KCNK1: variants seen among roughly 807,000 people sequenced by gnomAD.
The protein encoded by KCNK1 is potassium two pore domain channel subfamily K member 1.
KCNK1 carries 10 observed loss-of-function variants against 22.2 expected under a neutral mutation model. That is an observed-to-expected ratio of 0.45 (90% CI 0.28 to 0.76). KCNK1 has a LOEUF of 0.76. Ranked by LOEUF, KCNK1 falls within the 30% of genes least tolerant of loss-of-function variation. The probability of loss-of-function intolerance (pLI) is 0.14; values close to 1 mark genes in which losing one functional copy is unlikely to be tolerated. For missense variants in KCNK1, 378 were observed against 421.0 expected (o/e 0.90, Z 0.89); for synonymous variants, 200 against 186.4 (o/e 1.07, Z -0.60).
chr1:233,625,297 C>A (rs1208213412), intron 1 of KCNK1, among the ~76,000 whole-genome samples: 4 of 152,190 alleles, frequency 2.6e-5, no homozygotes, highest in African/African-American at 9.7e-5. Context: ...GGGCAGCACC[C>A]TCTCTGGAAT....
chr1:233,656,035 A>G (rs1658290288), intron 1 of KCNK1, among the ~76,000 whole-genome samples: 1 of 152,214 alleles, frequency 6.6e-6, no homozygotes, highest in African/African-American at 2.4e-5. Context: ...TCCCTAGGAA[A>G]GGATGCTGAA....
intron 1 of KCNK1, among the ~76,000 whole-genome samples, chr1:233,661,203 C>G (rs1658387344): frequency 6.6e-6 from 1 of 152,162 alleles, no homozygotes; most frequent in South Asian, 2.1e-4. Flanking sequence ...GTTATTATTT[C>G]TAATCGTTCT....
At chr1:233,654,861 G>C (rs1450102177) in intron 1 of KCNK1, among the ~76,000 whole-genome samples, 1 of 152,216 alleles carries the variant, frequency 6.6e-6, no homozygotes, top group Non-Finnish European at 1.5e-5. Flanking sequence ...TGTTGCTCAA[G>C]GTGATTCAGA....
chr1:233,638,422 GA>G (rs11363117), intron 1 of KCNK1, among the ~76,000 whole-genome samples: 82,955 of 149,062 alleles, frequency 0.56, 24,345 homozygotes, highest in Non-Finnish European at 0.66. Flanking sequence ...AAAAAAGAGA[GA>G]AAAAAAAAAA....
chr1:233,614,593 C>G, intron 1 of KCNK1, 67 bp downstream of exon 1: 1 of 1,309,526 alleles, frequency 7.6e-7, no homozygotes, highest in Non-Finnish European at 1.0e-6. Flanking sequence ...ACCCCGGCCC[C>G]GGCGCCCCGG....
intron 2 of KCNK1, among the ~76,000 whole-genome samples, chr1:233,668,027 A>AT (rs1411473599): frequency 6.6e-6 from 1 of 152,136 alleles, no homozygotes; most frequent in African/African-American, 2.4e-5. Flanking sequence ...GGGATTTATA[A>AT]TTTTTTAACA....
At chr1:233,620,640 A>C (rs1345832701) in intron 1 of KCNK1, among the ~76,000 whole-genome samples, 2 of 152,246 alleles carry the variant, frequency 1.3e-5, no homozygotes, top group Non-Finnish European at 2.9e-5. Flanking sequence ...TGTATTAGCC[A>C]GAAGAGAGAT....
intron 1 of KCNK1, among the ~76,000 whole-genome samples, chr1:233,621,374 G>A (rs140477546): frequency 1.1e-3 from 169 of 152,286 alleles, no homozygotes; most frequent in African/African-American, 3.6e-3. Flanking sequence ...TGTTAAGGCA[G>A]CCCTAGCAAA....
chr1:233,652,769 G>A (rs181464884), intron 1 of KCNK1, among the ~76,000 whole-genome samples: 36 of 152,304 alleles, frequency 2.4e-4, no homozygotes, highest in African/African-American at 6.5e-4. Flanking sequence ...TCCTGGTTTG[G>A]TTACTAGAAC....
intron 1 of KCNK1, among the ~76,000 whole-genome samples, chr1:233,658,689 T>A (rs1384798816): frequency 6.6e-6 from 1 of 152,238 alleles, no homozygotes; most frequent in African/African-American, 2.4e-5. Context: ...TGCTCTAGGT[T>A]ACAAACTTGT....
Position 233,666,590 on chromosome 1 carries a change from T to G in KCNK1, c.356-5T>G, listed in dbSNP as rs1658493032. On this transcript the variant is annotated splice_region_variant and splice_polypyrimidine_tract_variant and intron_variant, in intron 1 of 2. Coordinates refer to ENST00000366621, the MANE Select transcript of KCNK1 (RefSeq NM_002245.4). Reference sequence around the variant, plus strand: ...TTCGCCTCAGTGACCTTGTTCTCCTTGCAGGTTATGGCCACACCGTGCCCT... The same window carrying G: ...TTCGCCTCAGTGACCTTGTTCTCCTGGCAGGTTATGGCCACACCGTGCCCT... 1.3e-6 allele frequency: 2 copies of G among 1,590,788 alleles called. No homozygotes were observed. Among genetic ancestry groups the G allele is most frequent in the Non-Finnish European group, 8.6e-7 (1 of 1,167,530 alleles).
At chr1:233,662,217 G>T (rs984639509) in intron 1 of KCNK1, among the ~76,000 whole-genome samples, 14 of 150,154 alleles carry the variant, frequency 9.3e-5, no homozygotes, top group Non-Finnish European at 1.6e-4. Flanking sequence ...CGTAGCTGCT[G>T]CTGCTGCTTC....
At chr1:233,646,645 G>C (rs1453398503) in intron 1 of KCNK1, among the ~76,000 whole-genome samples, 1 of 152,036 alleles carries the variant, frequency 6.6e-6, no homozygotes, top group Admixed American at 6.6e-5. Context: ...AGTCCTGGAG[G>C]GTTCTAATGT....
chr1:233,614,226 T>C lies in KCNK1; in HGVS notation c.55T>C (p.Ser19Pro), dbSNP rs551462177. The change falls in exon 1 of 3, where the codon TCG becomes CCG. Residue 19 changes from serine (S) to proline (P), a missense_variant. Ser to Pro is a moderately conservative substitution (Grantham distance 74). Transcript: ENST00000366621. ...SCVRLVERHR[S>P]AWCFGFLVLG... ...CGTGCGCCTGGTGGAGCGGCACCGC[T>C]CGGCCTGGTGCTTCGGCTTCCTGGT... 1.5e-5 allele frequency: 24 copies of C among 1,611,782 alleles called. No individual in the cohort carries two copies. The South Asian group carries it at 1.9e-4, about 13-fold the overall frequency.
intron 1 of KCNK1, among the ~76,000 whole-genome samples, chr1:233,614,777 C>T (rs909521685): frequency 2.6e-5 from 4 of 152,158 alleles, no homozygotes; most frequent in Non-Finnish European, 4.4e-5. Flanking sequence ...AGAGGTGACT[C>T]CAGACGTGAC....
intron 1 of KCNK1, among the ~76,000 whole-genome samples, chr1:233,624,420 C>T (rs1208169547): frequency 6.6e-6 from 1 of 152,162 alleles, no homozygotes; most frequent in Non-Finnish European, 1.5e-5. Flanking sequence ...CCTGCTGGTT[C>T]CCGTAACATC....
intron 1 of KCNK1, among the ~76,000 whole-genome samples, chr1:233,625,237 C>G (rs1392224943): frequency 1.3e-5 from 2 of 152,182 alleles, no homozygotes; most frequent in Non-Finnish European, 2.9e-5. Context: ...CAAGGCCTGT[C>G]TGGAATCTTC....
At chr1:233,648,137 G>A (rs2102899613) in intron 1 of KCNK1, among the ~76,000 whole-genome samples, 1 of 152,216 alleles carries the variant, frequency 6.6e-6, no homozygotes, top group Non-Finnish European at 1.5e-5. Context: ...CCATACCTCT[G>A]TATTCTAATT....
chr1:233,653,263 G>GC (rs1252617411), intron 1 of KCNK1, among the ~76,000 whole-genome samples: 2 of 152,152 alleles, frequency 1.3e-5, no homozygotes, highest in Non-Finnish European at 2.9e-5. Context: ...TTCCCTAGGT[G>GC]CCCCCACAGC....
Sources: allele counts gnomAD v4.1 joint callset (sites outside exome capture counted in the v4.1 genomes callset), GRCh38; gene constraint gnomAD v4.1.1; transcripts MANE v1.5; gene names NCBI Gene and HGNC (gene_info 2026-07-23, HGNC 2026-07-21).